Variants in PEX14 observed in about 807,000 individuals in gnomAD.
PEX14 encodes peroxisomal membrane protein PEX14.
In PEX14, 15 loss-of-function variants were observed where a neutral mutation model predicts 49.5. That is an observed-to-expected ratio of 0.30 (90% CI 0.20 to 0.47). PEX14 has a LOEUF of 0.47. Among genes scored for constraint, PEX14 ranks in the 20% least tolerant of loss-of-function variants. PEX14 has a pLI of 1.00. For synonymous variants in PEX14, 210 were observed against 212.7 expected (o/e 0.99, Z 0.11); for missense variants, 398 against 494.8 (o/e 0.80, Z 1.86).
At chr1:10,603,047 C>T (rs980451630) in intron 4 of PEX14, among the ~76,000 whole-genome samples, 19 of 152,230 alleles carry the variant, frequency 1.2e-4, no homozygotes, top group Non-Finnish European at 4.4e-5. Context: ...CACCTTTGAA[C>T]CTGCTGGCCC....
At chr1:10,551,445 C>A (rs1035861993) in intron 3 of PEX14, among the ~76,000 whole-genome samples, 2 of 152,158 alleles carry the variant, frequency 1.3e-5, no homozygotes, top group Admixed American at 6.5e-5. Flanking sequence ...CATTACACAG[C>A]GCGCTGGAGG....
At chr1:10,577,557 TATATA>T (rs1347154438) in intron 3 of PEX14, among the ~76,000 whole-genome samples, 1,084 of 7,610 alleles carry the variant, frequency 0.14, 52 homozygotes, top group Non-Finnish European at 0.23. Context: ...TATATATATA[TATATA>T]TTTTTTTTTT....
intron 7 of PEX14, among the ~76,000 whole-genome samples, chr1:10,625,757 T>C (rs945725308): frequency 1.3e-5 from 2 of 152,232 alleles, no homozygotes; most frequent in Non-Finnish European, 2.9e-5. Context: ...TTCCGGAAAT[T>C]GGAAAACTGT....
rs1256893099 is a variant in PEX14, at chr1:10,629,297, C to CG, written c.678-228dup. 3.9e-5 allele frequency among the ~76,000 whole-genome samples: 6 copies of CG among 152,172 alleles called. No homozygotes were observed. The highest frequency in any genetic ancestry group is 7.4e-5 in the Non-Finnish European group (5 of 68,012). On this transcript the variant is annotated intron_variant, in intron 8 of 8. Transcript: ENST00000356607. The surrounding 1 kb of genome is among the most constrained non-coding windows in gnomAD (Gnocchi z 8.5). The stretch of plus-strand genomic sequence containing the variant: ...ATGGGCCTTGCCCAGGGTGGGGGCC[C>CG]GGGGGGACCCTGGGCTGTCTGTGGG...
chr1:10,499,618 T>G (rs943253461), intron 2 of PEX14, among the ~76,000 whole-genome samples: 1 of 152,086 alleles, frequency 6.6e-6, no homozygotes, highest in Non-Finnish European at 1.5e-5. Flanking sequence ...CCAGCTAATT[T>G]TTGTATTTTT....
chr1:10,502,620 G>C (rs183530807), intron 2 of PEX14, among the ~76,000 whole-genome samples: 3 of 152,004 alleles, frequency 2.0e-5, no homozygotes, highest in Non-Finnish European at 2.9e-5. Context: ...TGTACTTTAG[G>C]TTCCTGGCTT....
intron 2 of PEX14, among the ~76,000 whole-genome samples, chr1:10,499,735 A>T (rs947451760): frequency 6.6e-6 from 1 of 152,108 alleles, no homozygotes; most frequent in Non-Finnish European, 1.5e-5. Context: ...GTGTGAGCCA[A>T]CGTGCCTGGC....
chr1:10,513,884 A>G (rs1269734212), intron 2 of PEX14, among the ~76,000 whole-genome samples: 3 of 152,212 alleles, frequency 2.0e-5, no homozygotes, highest in African/African-American at 7.2e-5. Context: ...TTTAAGCAGT[A>G]CCAGTGCACT....
intron 1 of PEX14, among the ~76,000 whole-genome samples, chr1:10,479,799 C>T (rs751197361): frequency 1.3e-5 from 2 of 152,190 alleles, no homozygotes; most frequent in Admixed American, 1.3e-4. Context: ...CTCCACCTTT[C>T]TGAGTATGTT....
At chr1:10,614,273 G>A (rs1641350360) in intron 4 of PEX14, among the ~76,000 whole-genome samples, 1 of 152,172 alleles carries the variant, frequency 6.6e-6, no homozygotes, top group South Asian at 2.1e-4. Flanking sequence ...GAGTAAAATG[G>A]CATTTCAGCT....
chr1:10,577,776 A>G (rs1222513247), intron 3 of PEX14, among the ~76,000 whole-genome samples: 4 of 137,172 alleles, frequency 2.9e-5, no homozygotes, highest in Non-Finnish European at 4.8e-5. Flanking sequence ...AATTTTTTGT[A>G]TTTTTTTTAG....
Position 10,620,291 on chromosome 1 carries a change from C to CAATAAAATAAAATAAAATAA in PEX14, c.384+1896_384+1915dup, listed in dbSNP as rs59926174. Among the ~76,000 whole-genome samples the CAATAAAATAAAATAAAATAA allele has an allele frequency of 8.0e-3, 1,141 of 142,366 alleles. 20 individuals are homozygous for CAATAAAATAAAATAAAATAA. Among genetic ancestry groups the CAATAAAATAAAATAAAATAA allele is most frequent in the African/African-American group, 0.023 (881 of 37,720 alleles). 93.4% of individuals were successfully genotyped at this position (142,366 alleles called of 152,430 possible). ...ATGGTGAAACTGTGTCTCTACCAAACAATAAAATAAAATAAAATAAAATAA... is the reference window on the plus strand; with the variant it reads ...ATGGTGAAACTGTGTCTCTACCAAACAATAAAATAAAATAAAATAAAATAAAATAAAATAAAATAAAATAA... On this transcript the variant is annotated intron_variant, in intron 5 of 8. Transcript: ENST00000356607.
Position 10,494,975 on chromosome 1 carries a change from C to T in PEX14, c.37-299C>T, listed in dbSNP as rs77832746. The T allele has an allele frequency of 1.7e-4, 54 of 318,412 alleles. No homozygotes were observed. The highest frequency in any genetic ancestry group is 1.1e-3 in the South Asian group (9 of 8,100). The allele number at this position is 318,412 out of a possible 1,614,324, so 19.7% of individuals were successfully genotyped here. On this transcript the variant is annotated intron_variant, in intron 1 of 8. Transcript: ENST00000356607. This position sits in a 1 kb window ranked among gnomAD's most constrained non-coding sequence, Gnocchi z 4.3. ...TCTTCCCGTGGATTTTGGGATGGTC[C>T]CCAGCCCTTGCTGCTCAGTAGGTGA... is the stretch of plus-strand genomic sequence containing the variant.
rs1570149601 is a variant in PEX14 at position 10,495,183 on chromosome 1, C to T, written c.37-91C>T. ...GAGAGATGTGAGAAAGAGGTGCCAG[C>T]GTGCATCGTTTGAGAACGGAACATC... is the stretch of plus-strand genomic sequence containing the variant. On this transcript the variant is annotated intron_variant, in intron 1 of 8. Transcript: ENST00000356607. This position sits in a 1 kb window ranked among gnomAD's most constrained non-coding sequence, Gnocchi z 4.2. 12 of 1,569,704 alleles carry T rather than the reference C, an allele frequency of 7.6e-6. No homozygotes were observed. Among genetic ancestry groups the T allele is most frequent in the African/African-American group, 2.7e-5 (2 of 74,240 alleles).
chr1:10,571,998 C>T (rs1231792465), intron 3 of PEX14, among the ~76,000 whole-genome samples: 4 of 152,066 alleles, frequency 2.6e-5, no homozygotes, highest in South Asian at 2.1e-4. Context: ...AAACAGAACA[C>T]GGAGCTTCCA....
chr1:10,603,280 C>T (rs1641037441), intron 4 of PEX14, among the ~76,000 whole-genome samples: 2 of 152,220 alleles, frequency 1.3e-5, no homozygotes, highest in South Asian at 4.1e-4. Context: ...CTTTAAGCAT[C>T]TTGCTAAGCT....
intron 2 of PEX14, among the ~76,000 whole-genome samples, chr1:10,496,291 T>C (rs1341037394): frequency 6.6e-6 from 1 of 152,202 alleles, no homozygotes; most frequent in African/African-American, 2.4e-5. Flanking sequence ...TTGTCATTCA[T>C]GTCACCTGCT....
intron 2 of PEX14, among the ~76,000 whole-genome samples, chr1:10,518,379 A>G: frequency 6.6e-6 from 1 of 152,186 alleles, no homozygotes; most frequent in East Asian, 1.9e-4. Flanking sequence ...ACCCGATGCC[A>G]GGGGGAACCT....
At chr1:10,509,306 A>G (rs1190128002) in intron 2 of PEX14, among the ~76,000 whole-genome samples, 1 of 152,216 alleles carries the variant, frequency 6.6e-6, no homozygotes, top group Non-Finnish European at 1.5e-5. Flanking sequence ...ATGGCAGTTA[A>G]TAGAATTTGT....
Sources: allele counts gnomAD v4.1 joint callset (sites outside exome capture counted in the v4.1 genomes callset), GRCh38; gene constraint gnomAD v4.1.1; non-coding constraint Gnocchi (gnomAD v3.1); transcripts MANE v1.5; gene names NCBI Gene and HGNC (gene_info 2026-07-23, HGNC 2026-07-21).